The following CCNJL variants were observed in gnomAD, a reference collection of about 807,000 sequenced individuals.
CCNJL encodes cyclin-J-like protein.
CCNJL carries 33 observed loss-of-function variants against 33.4 expected under a neutral mutation model. The observed-to-expected ratio is 0.99, with a 90% CI of 0.75 to 1.32. The LOEUF (loss-of-function observed/expected upper bound fraction) is 1.32, where lower values mean the gene tolerates loss of function less well. CCNJL is among the 40% of genes most tolerant of loss of function. CCNJL has a pLI of 0.00. For missense variants in CCNJL, 512 were observed against 499.7 expected, an observed-to-expected ratio of 1.02 and a Z score of -0.23; for synonymous variants, 227 against 220.9, an observed-to-expected ratio of 1.03 and a Z score of -0.24.
intron 5 of CCNJL, chr5:160,254,825 G>C (rs2113205196): frequency 6.5e-6 from 1 of 153,526 alleles, no homozygotes; most frequent in East Asian, 1.9e-4. Context: ...GATTCCCAGG[G>C]ACCCTTGCAG....
At chr5:160,276,886 C>A (rs1432905198) in intron 3 of CCNJL, among the ~76,000 whole-genome samples, 1 of 152,048 alleles carries the variant, frequency 6.6e-6, no homozygotes, top group African/African-American at 2.4e-5. Context: ...CAGGCTCAAG[C>A]AATTCTCCAG....
At chr5:160,332,944 A>C (rs151081162) in intron 1 of CCNJL, among the ~76,000 whole-genome samples, 193 of 152,242 alleles carry the variant, frequency 1.3e-3, no homozygotes, top group African/African-American at 4.5e-3. Flanking sequence ...GCTGAGTGCC[A>C]GGCATAGAAG....
intron 3 of CCNJL, among the ~76,000 whole-genome samples, chr5:160,277,093 G>A (rs945993795): frequency 6.6e-6 from 1 of 152,046 alleles, no homozygotes; most frequent in Non-Finnish European, 1.5e-5. Context: ...GTGCCTGGTT[G>A]TATTTTTCTT....
intron 3 of CCNJL, among the ~76,000 whole-genome samples, chr5:160,261,702 C>T (rs1160365966): frequency 6.6e-6 from 1 of 152,168 alleles, no homozygotes; most frequent in Non-Finnish European, 1.5e-5. Flanking sequence ...TGGGAATGCT[C>T]TTCCCCTCAC....
chr5:160,259,879 A>T, intron 3 of CCNJL, 108 bp from the exon 4 acceptor site: 1 of 911,784 alleles, frequency 1.1e-6, no homozygotes, highest in Non-Finnish European at 1.7e-6. Context: ...AGAAGACAGA[A>T]AGCAGACAGG....
At position 160,251,000 on chromosome 5, in the gene CCNJL, T is replaced by A. The variant is rs993031745; in HGVS notation, c.*2378A>T. 1 of 152,196 alleles carries A rather than the reference T, an allele frequency of 6.6e-6. No homozygotes were observed. The highest frequency in any genetic ancestry group is 1.5e-5 in the Non-Finnish European group (1 of 68,040). 9.4% of individuals were successfully genotyped at this position (152,196 alleles called of 1,614,324 possible). On this transcript the variant is annotated 3_prime_UTR_variant, in exon 6 of 6. Coordinates refer to ENST00000257536, the MANE Select transcript of CCNJL (RefSeq NM_001308173.3). Reference sequence around the variant, plus strand: ...GCCTTCCAACAGCTGGTAAGTGGTGTGATCATTAAGTTTATGTGGCAGCTT... The same window carrying A: ...GCCTTCCAACAGCTGGTAAGTGGTGAGATCATTAAGTTTATGTGGCAGCTT...
Position 160,311,946 on chromosome 5 carries a change from G to T in CCNJL, c.-23C>A, listed in dbSNP as rs1763277071. On this transcript the variant is annotated 5_prime_UTR_variant, in exon 2 of 6. Transcript: ENST00000257536. ...CATCGCGTACGCAGCGCCGCTATCC[G>T]AGGCTACCCGGCTCTCAGGGCGCAC... The T allele has an allele frequency of 6.2e-7, 1 of 1,612,994 alleles. No homozygotes were observed. The highest frequency in any genetic ancestry group is 1.7e-5 in the Admixed American group (1 of 60,000).
intron 3 of CCNJL, among the ~76,000 whole-genome samples, chr5:160,274,405 G>A (rs975984257): frequency 6.6e-6 from 1 of 152,016 alleles, no homozygotes; most frequent in Non-Finnish European, 1.5e-5. Flanking sequence ...GTTGCAATGA[G>A]CCAAGATCAT....
intron 3 of CCNJL, among the ~76,000 whole-genome samples, chr5:160,262,760 A>T (rs1484179315): frequency 6.6e-6 from 1 of 152,238 alleles, no homozygotes; most frequent in Admixed American, 6.5e-5. Flanking sequence ...GCCAGCAGTT[A>T]AAAAGCAGCC....
chr5:160,336,467 A>G (rs1763685176), intron 1 of CCNJL, among the ~76,000 whole-genome samples: 1 of 152,244 alleles, frequency 6.6e-6, no homozygotes, highest in South Asian at 2.1e-4. Flanking sequence ...AGAAGCTGGA[A>G]GAGGCAAGGA....
Position 160,253,460 on chromosome 5 carries a change from G to C in CCNJL, c.1082C>G (p.Pro361Arg), listed in dbSNP as rs1760899724. Residue 361 changes from proline to arginine, a missense_variant, in exon 6 of 6, where the codon CCC becomes CGC. Physicochemically the swap from Pro to Arg is moderately radical, Grantham distance 103 (BLOSUM62 -2). Coordinates refer to ENST00000257536, the MANE Select transcript of CCNJL (RefSeq NM_001308173.3). ...ATAGGTGGTGGCGAGGCAGTGCCTG[G>C]GCTCAGCTGCAATGGCCATATGCAT... ...LSMHMAIAAE[P>R]RHCLATTYGS... is the part of the protein sequence containing the mutation. The C allele has an allele frequency of 1.2e-6, 2 of 1,613,410 alleles. No individual in the cohort carries two copies. The highest frequency in any genetic ancestry group is 1.3e-5 in the African/African-American group (1 of 74,928).
At chr5:160,328,423 C>T (rs997614252) in intron 1 of CCNJL, among the ~76,000 whole-genome samples, 5 of 151,906 alleles carry the variant, frequency 3.3e-5, no homozygotes, top group South Asian at 2.1e-4. Context: ...TGGAATAACG[C>T]GGATGAAGAG....
chr5:160,267,356 G>A (rs1225726522), intron 3 of CCNJL, among the ~76,000 whole-genome samples: 2 of 152,118 alleles, frequency 1.3e-5, no homozygotes, highest in Admixed American at 6.5e-5. Flanking sequence ...GAGTTACCCC[G>A]ATCTCCCAGC....
chr5:160,253,553 A>G lies in CCNJL; in HGVS notation c.989T>C (p.Leu330Pro). 1.9e-6 allele frequency: 3 copies of G among 1,614,060 alleles called. No homozygotes were observed. Among genetic ancestry groups the G allele is most frequent in the Non-Finnish European group, 2.5e-6 (3 of 1,180,008 alleles). Residue 330 changes from leucine to proline, a missense_variant, in exon 6 of 6, where the codon CTC becomes CCC. Coordinates refer to ENST00000257536, the MANE Select transcript of CCNJL (RefSeq NM_001308173.3). Reference sequence around the variant, plus strand: ...CTGCAGCGGTTGGTACGGGGTGTGGAGGGATGAGCCTGTACTCCCCGAGAG... The same window carrying G: ...CTGCAGCGGTTGGTACGGGGTGTGGGGGGATGAGCCTGTACTCCCCGAGAG... ...SLLSGSTGSS[L>P]HTPYQPLQPL...
chr5:160,330,964 T>C (rs72814333), intron 1 of CCNJL, among the ~76,000 whole-genome samples: 13,107 of 151,900 alleles, frequency 0.086, 633 homozygotes, highest in East Asian at 0.16. Context: ...ACTGCTCCTG[T>C]CTTAATTCTC....
At chr5:160,329,610 A>G (rs1763582561) in intron 1 of CCNJL, among the ~76,000 whole-genome samples, 1 of 152,072 alleles carries the variant, frequency 6.6e-6, no homozygotes, top group South Asian at 2.1e-4. Context: ...TGGCCTCCCA[A>G]AGTGCTGGGA....
At chr5:160,302,873 A>G (rs1032401864) in intron 2 of CCNJL, among the ~76,000 whole-genome samples, 7 of 152,140 alleles carry the variant, frequency 4.6e-5, no homozygotes, top group Non-Finnish European at 1.0e-4. Context: ...GAAATGGTAA[A>G]GTGTGTAATT....
chr5:160,321,234 T>A (rs527676861), intron 1 of CCNJL, among the ~76,000 whole-genome samples: 1 of 152,046 alleles, frequency 6.6e-6, no homozygotes, highest in South Asian at 2.1e-4. Context: ...GGATAAGAGC[T>A]TTCCAGACTC....
Position 160,259,738 on chromosome 5 carries a change from T to A in CCNJL, c.314A>T (p.Lys105Met). 6.2e-7 allele frequency: 1 copy of A among 1,612,716 alleles called. No individual in the cohort carries two copies. The highest frequency in any genetic ancestry group is 1.3e-5 in the African/African-American group (1 of 74,988). ...KFEDREDHVPKLEQINSTRIL... is the reference protein window; with the variant it reads ...KFEDREDHVPMLEQINSTRIL... ...CCTCGTGCTGTTTATTTGCTCCAAC[T>A]TGGGGACGTGGTCTTCCCGATCCTC... is the stretch of plus-strand genomic sequence containing the variant. The change falls in exon 4 of 6, where the codon AAG (lysine) becomes ATG (methionine). Residue 105 changes from lysine (K) to methionine (M), a missense_variant. Transcript: ENST00000257536.
Sources: gnomAD v4.1 joint callset for allele counts (sites outside exome capture counted in the v4.1 genomes callset) on GRCh38, gnomAD v4.1.1 for gene constraint, MANE v1.5 for transcripts, NCBI Gene and HGNC (gene_info 2026-07-23, HGNC 2026-07-21) for gene names.